Variants in FLT1 observed in about 807,000 individuals in gnomAD.
FLT1 encodes the protein vascular endothelial growth factor receptor 1.
Under a neutral mutation model 156.3 loss-of-function variants are expected in FLT1, and 49 were observed. That is an observed-to-expected ratio of 0.31 (90% CI 0.25 to 0.40). FLT1 has a LOEUF of 0.40. Among genes scored for constraint, FLT1 ranks in the 10% least tolerant of loss-of-function variants. The pLI, the probability that FLT1 is intolerant of heterozygous loss-of-function variation, is 1.00. For missense variants in FLT1, 1,322 were observed against 1,637.2 expected (o/e 0.81, Z 3.32); for synonymous variants, 594 against 583.8 (o/e 1.02, Z -0.25).
chr13:28,384,867 GAAA>G lies in FLT1; in HGVS notation c.2116+15_2116+17del. 1 of 1,611,224 alleles carries G rather than the reference GAAA, an allele frequency of 6.2e-7. No homozygotes were observed. Among genetic ancestry groups the G allele is most frequent in the Non-Finnish European group, 8.5e-7 (1 of 1,177,766 alleles). ...GAAAGATGAGAAATAATAAATGGAA[GAAA>G]AAAAAGTCTCTTACCAGGCTCTTGT... On this transcript the variant is annotated intron_variant, in intron 14 of 29. Coordinates refer to ENST00000282397, the MANE Select transcript of FLT1 (RefSeq NM_002019.4).
Position 28,394,158 on chromosome 13 carries a change from C to T in FLT1, c.1660+2802G>A, listed in dbSNP as rs146796293. ...TAATTATTTAAAAACTAATAATGAA[C>T]GTAAGCAAGTTAACCTAATATCACA... On this transcript the variant is annotated intron_variant, in intron 12 of 29. Coordinates refer to ENST00000282397, the MANE Select transcript of FLT1 (RefSeq NM_002019.4). Among the ~76,000 whole-genome samples the T allele has an allele frequency of 1.9e-4, 29 of 152,200 alleles. 1 individual carries two copies. Among genetic ancestry groups the T allele is most frequent in the African/African-American group, 6.3e-4 (26 of 41,520 alleles).
At chr13:28,403,007 T>C (rs1317596264) in intron 11 of FLT1, among the ~76,000 whole-genome samples, 2 of 152,098 alleles carry the variant, frequency 1.3e-5, no homozygotes, top group Non-Finnish European at 2.9e-5. Context: ...ATTGAACTCC[T>C]GACCTCAGGT....
intron 3 of FLT1, among the ~76,000 whole-genome samples, chr13:28,452,701 G>A (rs894931452): frequency 1.4e-4 from 21 of 152,188 alleles, no homozygotes; most frequent in African/African-American, 5.1e-4. Flanking sequence ...AACTTTGAAT[G>A]AGACTGTCAC....
intron 15 of FLT1, among the ~76,000 whole-genome samples, chr13:28,348,083 C>A (rs1002642604): frequency 4.6e-5 from 7 of 152,166 alleles, no homozygotes; most frequent in Non-Finnish European, 7.3e-5. Flanking sequence ...TATTTTCTCT[C>A]CATCCAACCC....
rs566916760 is a variant in FLT1, at chr13:28,495,116, C to T, written c.-273G>A. 8 of 441,266 alleles carry T rather than the reference C, an allele frequency of 1.8e-5. No homozygotes were observed. The highest frequency in any genetic ancestry group is 2.8e-5 in the Non-Finnish European group (7 of 252,544). 27.3% of individuals were successfully genotyped at this position (441,266 alleles called of 1,614,324 possible). On this transcript the variant is annotated 5_prime_UTR_variant, in exon 1 of 30. Coordinates refer to ENST00000282397, the MANE Select transcript of FLT1 (RefSeq NM_002019.4). This position sits in a 1 kb window ranked among gnomAD's most constrained non-coding sequence, Gnocchi z 4.1. ...TCCGCCTGGCGCGCTCCGAGCCTCC[C>T]GCGGACCTCGATGAAGAGCAGCCGA...
intron 1 of FLT1, among the ~76,000 whole-genome samples, chr13:28,474,448 T>A (rs573804960): frequency 6.9e-6 from 1 of 144,158 alleles, no homozygotes; most frequent in Non-Finnish European, 1.5e-5. Flanking sequence ...AGAAACTCTG[T>A]CTCAAAAACA....
intron 17 of FLT1, among the ~76,000 whole-genome samples, chr13:28,335,485 T>C (rs557243531): frequency 1.3e-5 from 2 of 152,342 alleles, no homozygotes; most frequent in East Asian, 3.9e-4. Flanking sequence ...CTTTGCTTCT[T>C]CCTCATCATA....
chr13:28,343,409 C>T (rs890707925), intron 16 of FLT1, among the ~76,000 whole-genome samples: 12 of 151,868 alleles, frequency 7.9e-5, no homozygotes, highest in Admixed American at 7.2e-4. Context: ...AAACCATTCT[C>T]CTGCCTCAGT....
intron 11 of FLT1, among the ~76,000 whole-genome samples, chr13:28,403,262 G>T (rs1875571862): frequency 6.6e-6 from 1 of 152,170 alleles, no homozygotes; most frequent in Non-Finnish European, 1.5e-5. Context: ...GCTCCTGATG[G>T]CAGGTTGGGT....
intron 20 of FLT1, among the ~76,000 whole-genome samples, chr13:28,324,622 T>C (rs1323249133): frequency 1.3e-5 from 2 of 152,238 alleles, no homozygotes; most frequent in African/African-American, 2.4e-5. Flanking sequence ...AATGCAGTTA[T>C]ATTGGATTCT....
chr13:28,407,691 C>T (rs964249191), intron 10 of FLT1, among the ~76,000 whole-genome samples: 1 of 152,178 alleles, frequency 6.6e-6, no homozygotes, highest in African/African-American at 2.4e-5. Context: ...TAAAAGGTGA[C>T]CATTCCTCAA....
intron 20 of FLT1, among the ~76,000 whole-genome samples, chr13:28,325,197 G>T (rs192883231): frequency 6.6e-6 from 1 of 152,086 alleles, no homozygotes; most frequent in African/African-American, 2.4e-5. Context: ...AAACCCAAAC[G>T]TTCCATCCTG....
intron 14 of FLT1, chr13:28,368,272 C>G (rs1433857756): frequency 2.7e-6 from 1 of 372,182 alleles, no homozygotes; most frequent in Admixed American, 4.4e-5. Context: ...CCTGTCTCAG[C>G]CTCCCGAGTA....
At chr13:28,364,828 A>C (rs1270474302) in intron 14 of FLT1, among the ~76,000 whole-genome samples, 1 of 152,136 alleles carries the variant, frequency 6.6e-6, no homozygotes, top group African/African-American at 2.4e-5. Flanking sequence ...TCCCTGTACC[A>C]CATAAGTTAA....
rs1199501106 is a variant in FLT1, at chr13:28,311,978, T to C, written c.3492+15A>G. 6.4e-7 allele frequency: 1 copy of C among 1,559,282 alleles called. No homozygotes were observed. The highest frequency in any genetic ancestry group is 1.1e-5 in the South Asian group (1 of 89,928). On this transcript the variant is annotated intron_variant, in intron 26 of 29. Transcript: ENST00000282397. ...ACATTCAAAGGCATTTTGATGTAAATAAATTTAGTTTTACCTGTTGTACAT... is the reference window on the plus strand; with the variant it reads ...ACATTCAAAGGCATTTTGATGTAAACAAATTTAGTTTTACCTGTTGTACAT...
rs375487770 is a variant in FLT1 at position 28,312,047 on chromosome 13, T to C, written c.3438A>G (p.Arg1146=). 114 of 1,613,948 alleles carry C rather than the reference T, an allele frequency of 7.1e-5. No individual in the cohort carries two copies. The highest frequency in any genetic ancestry group is 9.1e-5 in the Non-Finnish European group (107 of 1,179,994). Residue 1146 remains arginine, a synonymous_variant, in exon 26 of 30, where the codon AGA becomes AGG. Transcript: ENST00000282397. The stretch of plus-strand genomic sequence containing the variant: ...CTAGTTTTTCCACAAGTTCTGCAAA[T>C]CTTGGCCTTTCTTTTGGGTCTCTGT... ...CWHRDPKERP[R]FAELVEKLGD...
rs180812606 is a variant in FLT1, at chr13:28,363,160, G to A, written c.2117-5475C>T. Among the ~76,000 whole-genome samples, 236 of 152,168 alleles carry A rather than the reference G, an allele frequency of 1.6e-3. 2 individuals carry two copies. Among genetic ancestry groups the A allele is most frequent in the Middle Eastern group, 0.014 (4 of 294 alleles). ...TCACTTTATATGACCCAAATCGTAG[G>A]ATACAGGCTCTGTTCTGCTGAGGAA... On this transcript the variant is annotated intron_variant, in intron 14 of 29. Transcript: ENST00000282397.
chr13:28,453,420 G>T (rs1187376878), intron 3 of FLT1, among the ~76,000 whole-genome samples: 1 of 152,122 alleles, frequency 6.6e-6, no homozygotes, highest in Non-Finnish European at 1.5e-5. Flanking sequence ...ACCACGCCTG[G>T]CAGGGTGCTA....
intron 14 of FLT1, chr13:28,368,540 T>TATG (rs138306957): frequency 0.011 from 17,187 of 1,535,376 alleles, 112 homozygotes; most frequent in Admixed American, 0.043. Context: ...AAATGGTAGC[T>TATG]ATGATGATGA....
Sources: gnomAD v4.1 joint callset for allele counts (sites outside exome capture counted in the v4.1 genomes callset) on GRCh38, gnomAD v4.1.1 for gene constraint, Gnocchi (gnomAD v3.1) non-coding constraint, MANE v1.5 for transcripts, NCBI Gene and HGNC (gene_info 2026-07-23, HGNC 2026-07-21) for gene names.